The following MEIS1 variants were observed in gnomAD, a reference collection of about 807,000 sequenced individuals.
The protein encoded by MEIS1 is Meis homeobox 1.
Under a neutral mutation model 50.8 loss-of-function variants are expected in MEIS1, and 5 were observed. The observed-to-expected ratio is 0.10, with a 90% CI of 0.05 to 0.21. MEIS1 has a LOEUF of 0.21. Among genes scored for constraint, MEIS1 ranks in the 10% least tolerant of loss-of-function variants. The probability of loss-of-function intolerance (pLI) is 1.00; values close to 1 mark genes in which losing one functional copy is unlikely to be tolerated. For synonymous variants in MEIS1, 176 were observed against 179.3 expected (o/e 0.98, Z 0.15); for missense variants, 318 against 517.3 (o/e 0.61, Z 3.74).
chr2:66,535,783 AT>A (rs5831818), intron 8 of MEIS1, among the ~76,000 whole-genome samples: 146,865 of 151,858 alleles, frequency 0.97, 71,194 homozygotes, highest in East Asian at 1. Context: ...AAGTTTTTAG[AT>A]TTTTTTTTTC....
Position 66,571,471 on chromosome 2 carries a change from T to G in MEIS1, c.*263T>G. 6.3e-7 allele frequency: 1 copy of G among 1,597,760 alleles called. No individual in the cohort carries two copies. Among genetic ancestry groups the G allele is most frequent in the Non-Finnish European group, 8.5e-7 (1 of 1,172,358 alleles). The stretch of plus-strand genomic sequence containing the variant: ...CCAATGTCAGCATCAAGCCCCACAG[T>G]TCTTAATACAGGAGACCCAACAATG... On this transcript the variant is annotated 3_prime_UTR_variant, in exon 13 of 13. Coordinates refer to ENST00000272369, the MANE Select transcript of MEIS1 (RefSeq NM_002398.3).
chr2:66,451,454 A>T (rs941439009), intron 6 of MEIS1, among the ~76,000 whole-genome samples: 1 of 152,096 alleles, frequency 6.6e-6, no homozygotes, highest in African/African-American at 2.4e-5. Flanking sequence ...ATTTGACTGT[A>T]CATCCAGAGT....
chr2:66,466,510 C>G (rs1408334691), intron 7 of MEIS1, among the ~76,000 whole-genome samples: 5 of 152,222 alleles, frequency 3.3e-5, no homozygotes, highest in African/African-American at 1.2e-4. Context: ...AACCGTCACC[C>G]TTCTAAACCT....
chr2:66,473,397 A>AAAAAAAAATATATATATATATATAT, intron 7 of MEIS1, among the ~76,000 whole-genome samples: 3 of 107,580 alleles, frequency 2.8e-5, no homozygotes, highest in Non-Finnish European at 5.0e-5. Context: ...AAAAAAAAAA[A>AAAAAAAAATATATATATATATATAT]ATATATATAT....
chr2:66,519,344 T>C (rs1170713886), intron 8 of MEIS1, among the ~76,000 whole-genome samples: 1 of 151,524 alleles, frequency 6.6e-6, no homozygotes, highest in East Asian at 1.9e-4. Context: ...ATTGTGTAGA[T>C]CCACATCAAA....
At chr2:66,462,265 A>G (rs905092983) in intron 6 of MEIS1, among the ~76,000 whole-genome samples, 7 of 152,256 alleles carry the variant, frequency 4.6e-5, no homozygotes, top group African/African-American at 1.4e-4. Flanking sequence ...TAGCTTTTCT[A>G]TTAATTACCA....
intron 9 of MEIS1, among the ~76,000 whole-genome samples, chr2:66,565,444 T>C (rs1675324131): frequency 1.3e-5 from 2 of 152,218 alleles, no homozygotes; most frequent in Admixed American, 1.3e-4. Flanking sequence ...CTAATTTTTA[T>C]ATATCTATTT....
chr2:66,509,960 TG>T (rs964499504), intron 7 of MEIS1, among the ~76,000 whole-genome samples: 5 of 152,134 alleles, frequency 3.3e-5, no homozygotes, highest in African/African-American at 1.2e-4. Flanking sequence ...GGGTTTGAGG[TG>T]GATAAAAAGG....
rs189088175 is a variant in MEIS1, at chr2:66,531,826, T to A, written c.889-16117T>A. 7.3e-4 allele frequency among the ~76,000 whole-genome samples: 111 copies of A among 152,246 alleles called. 1 individual carries two copies. Among genetic ancestry groups the A allele is most frequent in the Admixed American group, 7.3e-3 (111 of 15,302 alleles). On this transcript the variant is annotated intron_variant, in intron 8 of 12. Coordinates refer to ENST00000272369, the MANE Select transcript of MEIS1 (RefSeq NM_002398.3). Reference sequence around the variant, plus strand: ...GATGCGGCGGCCATTAATCATGAGCTGCCATCTTGAGCCAAGACAGTGTCT... The same window carrying A: ...GATGCGGCGGCCATTAATCATGAGCAGCCATCTTGAGCCAAGACAGTGTCT...
At chr2:66,451,791 T>C (rs1174773186) in intron 6 of MEIS1, among the ~76,000 whole-genome samples, 1 of 151,844 alleles carries the variant, frequency 6.6e-6, no homozygotes, top group Admixed American at 6.6e-5. Context: ...AAAATGGAGA[T>C]ACTTTAGAGG....
intron 7 of MEIS1, among the ~76,000 whole-genome samples, chr2:66,468,379 C>G (rs1672690028): frequency 6.6e-6 from 1 of 152,168 alleles, no homozygotes; most frequent in South Asian, 2.1e-4. Context: ...CTACGATTGA[C>G]CACATTTTTG....
intron 8 of MEIS1, among the ~76,000 whole-genome samples, chr2:66,513,948 T>C (rs774269821): frequency 4.6e-5 from 7 of 152,186 alleles, no homozygotes; most frequent in Non-Finnish European, 7.4e-5. Flanking sequence ...AGATAAGAAG[T>C]GGCAATTGGT....
At chr2:66,543,821 T>G (rs991310753) in intron 8 of MEIS1, among the ~76,000 whole-genome samples, 10 of 152,334 alleles carry the variant, frequency 6.6e-5, no homozygotes, top group Middle Eastern at 3.4e-3. Context: ...TAATTAAGCT[T>G]TTAAAAGATA....
intron 7 of MEIS1, among the ~76,000 whole-genome samples, chr2:66,476,698 G>T (rs1672900988): frequency 6.6e-6 from 1 of 152,148 alleles, no homozygotes; most frequent in South Asian, 2.1e-4. Flanking sequence ...CATTTTTAAT[G>T]GATCACAGCA....
At position 66,571,998 on chromosome 2, in the gene MEIS1, G is replaced by A. The variant is rs908842430; in HGVS notation, c.*790G>A. ...CTCGCCTAGGATTTCAGCCATGCGC[G>A]CGCTCTCTCTCTTTCTCTCTCTTTT... On this transcript the variant is annotated 3_prime_UTR_variant, in exon 13 of 13. Coordinates refer to ENST00000272369, the MANE Select transcript of MEIS1 (RefSeq NM_002398.3). 10 of 165,954 alleles carry A rather than the reference G, an allele frequency of 6.0e-5. No homozygotes were observed. Among genetic ancestry groups the A allele is most frequent in the South Asian group, 1.7e-4 (1 of 5,912 alleles). 10.3% of individuals were successfully genotyped at this position (165,954 alleles called of 1,614,324 possible).
At position 66,511,435 on chromosome 2, in the gene MEIS1, G is replaced by A. The variant is rs566070085; in HGVS notation, c.743-714G>A. Among the ~76,000 whole-genome samples the A allele has an allele frequency of 2.0e-5, 3 of 152,194 alleles. No individual in the cohort carries two copies. In the South Asian group the frequency reaches 6.2e-4, roughly 32 times the overall value. The stretch of plus-strand genomic sequence containing the variant: ...GTGTGAAAAATGCTAGGTTTACCTA[G>A]CATGAATTTTAGAAACTGCCTGAAT... On this transcript the variant is annotated intron_variant, in intron 7 of 12. Coordinates refer to ENST00000272369, the MANE Select transcript of MEIS1 (RefSeq NM_002398.3).
intron 9 of MEIS1, among the ~76,000 whole-genome samples, chr2:66,550,050 A>G (rs1334830988): frequency 1.3e-5 from 2 of 152,202 alleles, no homozygotes; most frequent in Non-Finnish European, 2.9e-5. Flanking sequence ...GAAGGGAGAG[A>G]AAGGATGTTT....
intron 6 of MEIS1, among the ~76,000 whole-genome samples, chr2:66,451,685 A>G (rs764444471): frequency 9.9e-5 from 15 of 152,060 alleles, no homozygotes; most frequent in Non-Finnish European, 1.8e-4. Context: ...AGCAATTTGA[A>G]AACTTAATTT....
chr2:66,499,052 A>G (rs1673483940), intron 7 of MEIS1, among the ~76,000 whole-genome samples: 1 of 152,220 alleles, frequency 6.6e-6, no homozygotes, highest in African/African-American at 2.4e-5. Flanking sequence ...ACCGAGTGGA[A>G]GGTGTGAGTG....
Sources: allele counts gnomAD v4.1 joint callset (sites outside exome capture counted in the v4.1 genomes callset), GRCh38; gene constraint gnomAD v4.1.1; transcripts MANE v1.5; gene names NCBI Gene and HGNC (gene_info 2026-07-23, HGNC 2026-07-21).